Variants in KCNH7 observed in about 807,000 individuals in gnomAD.
KCNH7 encodes potassium voltage-gated channel subfamily H member 7.
KCNH7 carries 49 observed loss-of-function variants against 120.8 expected under a neutral mutation model. The ratio of observed to expected loss-of-function variants is 0.41; its 90% CI spans 0.32 to 0.51. KCNH7 has a LOEUF of 0.51. Ranked by LOEUF, KCNH7 falls within the 20% of genes least tolerant of loss-of-function variation. The pLI, the probability that KCNH7 is intolerant of heterozygous loss-of-function variation, is 0.38. For missense variants in KCNH7, 1,097 were observed against 1,446.6 expected (o/e 0.76, Z 3.92); for synonymous variants, 547 against 516.1 (o/e 1.06, Z -0.81).
intron 2 of KCNH7, among the ~76,000 whole-genome samples, chr2:162,670,470 CAA>C (rs61610131): frequency 2.1e-5 from 1 of 48,234 alleles, no homozygotes; most frequent in African/African-American, 9.1e-5. Flanking sequence ...CGAACTCTGT[CAA>C]AAAAAAAAAA....
chr2:162,587,388 C>A (rs1193716063), intron 2 of KCNH7, among the ~76,000 whole-genome samples: 3 of 152,124 alleles, frequency 2.0e-5, no homozygotes, highest in Non-Finnish European at 4.4e-5. Context: ...ATGACATCAA[C>A]TCACAATAAC....
intron 8 of KCNH7, among the ~76,000 whole-genome samples, chr2:162,424,781 A>G (rs190297876): frequency 1.4e-3 from 212 of 152,320 alleles, no homozygotes; most frequent in Middle Eastern, 3.4e-3. Context: ...CTTATGTACC[A>G]TAGATATCCC....
intron 2 of KCNH7, among the ~76,000 whole-genome samples, chr2:162,726,254 T>C (rs1687514926): frequency 6.6e-6 from 1 of 152,214 alleles, no homozygotes; most frequent in African/African-American, 2.4e-5. Flanking sequence ...TAAGTTTTGC[T>C]GATGGTTATC....
intron 8 of KCNH7, among the ~76,000 whole-genome samples, chr2:162,427,412 T>A (rs1687902417): frequency 1.3e-5 from 2 of 152,118 alleles, no homozygotes; most frequent in South Asian, 4.1e-4. Flanking sequence ...TTGTAGTGTG[T>A]ACATGTAATA....
At chr2:162,475,014 C>G (rs1288966953) in intron 6 of KCNH7, among the ~76,000 whole-genome samples, 1 of 152,206 alleles carries the variant, frequency 6.6e-6, no homozygotes, top group Non-Finnish European at 1.5e-5. Flanking sequence ...GTGAGAACAC[C>G]TAGCTAAGCT....
At chr2:162,391,020 T>C (rs1686729900) in intron 12 of KCNH7, among the ~76,000 whole-genome samples, 1 of 151,918 alleles carries the variant, frequency 6.6e-6, no homozygotes, top group Admixed American at 6.6e-5. Context: ...CAAATTTGCA[T>C]TGTTCCACTC....
chr2:162,396,049 A>G (rs1686904293), intron 11 of KCNH7, among the ~76,000 whole-genome samples: 1 of 151,812 alleles, frequency 6.6e-6, no homozygotes. Flanking sequence ...ATTTTTGGTT[A>G]CAACGTAAGT....
At chr2:162,377,549 T>G (rs1056475407) in intron 14 of KCNH7, among the ~76,000 whole-genome samples, 11 of 152,284 alleles carry the variant, frequency 7.2e-5, no homozygotes, top group African/African-American at 2.4e-4. Context: ...AGGGTGACGC[T>G]GGTTCGAGAT....
At chr2:162,419,978 C>T (rs1687651393) in intron 9 of KCNH7, among the ~76,000 whole-genome samples, 3 of 152,168 alleles carry the variant, frequency 2.0e-5, no homozygotes, top group South Asian at 2.1e-4. Context: ...CTCTTCACTC[C>T]TAACTAAAAA....
intron 6 of KCNH7, among the ~76,000 whole-genome samples, chr2:162,465,538 A>C (rs191272425): frequency 1.1e-3 from 168 of 152,248 alleles, no homozygotes; most frequent in South Asian, 2.5e-3. Flanking sequence ...TTTCTACCTG[A>C]GTATCTTTTG....
At chr2:162,396,671 G>T in intron 11 of KCNH7, 69 bp downstream of exon 11, 1 of 1,165,692 alleles carries the variant, frequency 8.6e-7, no homozygotes, top group Non-Finnish European at 1.2e-6. Flanking sequence ...TTTTTCAGAA[G>T]TATTTGTGCA....
rs917511131 is a variant in KCNH7 at position 162,506,157 on chromosome 2, C to T, written c.914-1500G>A. Reference sequence around the variant, plus strand: ...AAGTCCATCTAGAAGAAAAATGTCACGAGCTCTCCAGGAATTTATTGCCTC... The same window carrying T: ...AAGTCCATCTAGAAGAAAAATGTCATGAGCTCTCCAGGAATTTATTGCCTC... On this transcript the variant is annotated intron_variant, in intron 5 of 15. Transcript: ENST00000332142. Among the ~76,000 whole-genome samples the T allele has an allele frequency of 9.9e-5, 15 of 151,942 alleles. No individual in the cohort carries two copies. In the South Asian group the frequency reaches 1.2e-3, roughly 13 times the overall value.
intron 12 of KCNH7, among the ~76,000 whole-genome samples, chr2:162,386,112 A>G (rs1460545716): frequency 6.6e-6 from 1 of 151,884 alleles, no homozygotes; most frequent in Non-Finnish European, 1.5e-5. Context: ...CAGTGATTTC[A>G]TCATTGCTGA....
At chr2:162,658,296 T>G (rs1684843633) in intron 2 of KCNH7, among the ~76,000 whole-genome samples, 1 of 152,218 alleles carries the variant, frequency 6.6e-6, no homozygotes, top group South Asian at 2.1e-4. Context: ...AAAGGATAGG[T>G]GACTATATTT....
chr2:162,474,907 A>G (rs1211891888), intron 6 of KCNH7, among the ~76,000 whole-genome samples: 1 of 152,216 alleles, frequency 6.6e-6, no homozygotes, highest in Non-Finnish European at 1.5e-5. Context: ...ACCAGCTGCC[A>G]TGATTGCTCT....
intron 2 of KCNH7, among the ~76,000 whole-genome samples, chr2:162,629,942 A>G (rs954906189): frequency 6.6e-6 from 1 of 152,126 alleles, no homozygotes; most frequent in African/African-American, 2.4e-5. Context: ...TAAATGAAGA[A>G]ATTTGGATTG....
chr2:162,497,209 G>A (rs1480015911), intron 6 of KCNH7, among the ~76,000 whole-genome samples: 1 of 152,064 alleles, frequency 6.6e-6, no homozygotes, highest in African/African-American at 2.4e-5. Flanking sequence ...GAGAAACACT[G>A]AGTCACAATG....
intron 2 of KCNH7, among the ~76,000 whole-genome samples, chr2:162,590,516 T>A (rs1391920370): frequency 6.6e-6 from 1 of 152,136 alleles, no homozygotes; most frequent in Non-Finnish European, 1.5e-5. Flanking sequence ...ACAGAGCATA[T>A]CACAGGGGAC....
In KCNH7 at chr2:162,424,568, T is replaced by G. The variant is rs116121244; in HGVS notation, c.1955-1033A>C. On this transcript the variant is annotated intron_variant, in intron 8 of 15. Transcript: ENST00000332142. ...AGCAGCAACAAGAATTTGAAGTGTT[T>G]AATTAAAGTAAATTCAAACAACACA... is the stretch of plus-strand genomic sequence containing the variant. 8.2e-3 allele frequency among the ~76,000 whole-genome samples: 1,256 copies of G among 152,318 alleles called. 23 individuals carry two copies. The highest frequency in any genetic ancestry group is 0.029 in the African/African-American group (1,198 of 41,572).
Sources: allele counts gnomAD v4.1 joint callset (sites outside exome capture counted in the v4.1 genomes callset), GRCh38; gene constraint gnomAD v4.1.1; transcripts MANE v1.5; gene names NCBI Gene and HGNC (gene_info 2026-07-23, HGNC 2026-07-21).